The following DLC1 variants were observed in gnomAD, a reference collection of about 807,000 sequenced individuals.
The protein encoded by DLC1 is DLC1 Rho GTPase activating protein.
Under a neutral mutation model 140.3 loss-of-function variants are expected in DLC1, and 54 were observed. The observed-to-expected ratio is 0.38, with a 90% CI of 0.31 to 0.48. The LOEUF is 0.48. Among genes scored for constraint, DLC1 ranks in the 20% least tolerant of loss-of-function variants. The pLI is 0.96. For synonymous variants in DLC1, 986 were observed against 728.1 expected (o/e 1.35, Z -5.70); for missense variants, 2,536 against 1,907.0 (o/e 1.33, Z -6.14).
chr8:13,357,475 T>C (rs915240395), intron 4 of DLC1, among the ~76,000 whole-genome samples: 3 of 152,342 alleles, frequency 2.0e-5, no homozygotes, highest in African/African-American at 4.8e-5. Flanking sequence ...ATGCTTTATA[T>C]AGAAGAGCAC....
At chr8:13,535,220 A>T (rs1158661825) in intron 1 of DLC1, among the ~76,000 whole-genome samples, 1 of 152,158 alleles carries the variant, frequency 6.6e-6, no homozygotes, top group Non-Finnish European at 1.5e-5. Flanking sequence ...CAAGGGTCTA[A>T]ATAGTCATGT....
chr8:13,452,378 T>C (rs1799106436), intron 2 of DLC1, among the ~76,000 whole-genome samples: 1 of 152,092 alleles, frequency 6.6e-6, no homozygotes, highest in African/African-American at 2.4e-5. Context: ...AGTAACTCAA[T>C]TTATGTTATC....
chr8:13,327,246 T>C (rs1833400848), intron 4 of DLC1, among the ~76,000 whole-genome samples: 1 of 151,118 alleles, frequency 6.6e-6, no homozygotes. Context: ...GTGCTGGGAT[T>C]ACAGGCGTGA....
chr8:13,498,093 AT>A (rs1406449689), intron 2 of DLC1, among the ~76,000 whole-genome samples: 1 of 152,160 alleles, frequency 6.6e-6, no homozygotes, highest in African/African-American at 2.4e-5. Context: ...GCAGTTATGG[AT>A]GAATGTATCA....
At chr8:13,416,137 G>C (rs1321678863) in intron 2 of DLC1, among the ~76,000 whole-genome samples, 1 of 152,174 alleles carries the variant, frequency 6.6e-6, no homozygotes, top group Non-Finnish European at 1.5e-5. Context: ...CTGGCGTCTA[G>C]GGGTCCCATG....
intron 1 of DLC1, among the ~76,000 whole-genome samples, chr8:13,500,418 C>T (rs1801759982): frequency 1.3e-5 from 2 of 152,244 alleles, no homozygotes; most frequent in South Asian, 2.1e-4. Context: ...CTTTTAAAGG[C>T]ATTTAAAGGC....
At chr8:13,540,233 T>C (rs898976959) in intron 1 of DLC1, among the ~76,000 whole-genome samples, 1 of 152,226 alleles carries the variant, frequency 6.6e-6, no homozygotes, top group African/African-American at 2.4e-5. Context: ...CAGCAATGGC[T>C]GGTGAAGATC....
At chr8:13,412,981 TG>T (rs1319815297) in intron 2 of DLC1, among the ~76,000 whole-genome samples, 4 of 149,544 alleles carry the variant, frequency 2.7e-5, no homozygotes, top group Middle Eastern at 3.3e-3. Context: ...TGCACCCATG[TG>T]CTAGGGTTCA....
chr8:13,234,262 G>A (rs1470483336), intron 5 of DLC1, among the ~76,000 whole-genome samples: 1 of 152,092 alleles, frequency 6.6e-6, no homozygotes, highest in African/African-American at 2.4e-5. Flanking sequence ...GGATCATGCT[G>A]TAGTTACTTT....
At chr8:13,325,477 C>T (rs1253502505) in intron 4 of DLC1, among the ~76,000 whole-genome samples, 1 of 146,154 alleles carries the variant, frequency 6.8e-6, no homozygotes, top group African/African-American at 2.5e-5. Context: ...CACACACACA[C>T]ACAGAAAATC....
intron 5 of DLC1, among the ~76,000 whole-genome samples, chr8:13,223,068 A>C (rs1411558128): frequency 6.6e-6 from 1 of 152,046 alleles, no homozygotes; most frequent in South Asian, 2.1e-4. Context: ...TTTTTTTGAA[A>C]TTCTAGTTCT....
intron 5 of DLC1, among the ~76,000 whole-genome samples, chr8:13,299,566 C>T (rs1832099898): frequency 6.7e-6 from 1 of 149,552 alleles, no homozygotes; most frequent in Non-Finnish European, 1.5e-5. Flanking sequence ...TTGCATGCCA[C>T]AGACCTAGGC....
chr8:13,327,513 TC>T (rs1208550277), intron 4 of DLC1, among the ~76,000 whole-genome samples: 1 of 151,304 alleles, frequency 6.6e-6, no homozygotes, highest in Non-Finnish European at 1.5e-5. Context: ...GGTGGGGGTT[TC>T]TCATTATGTT....
rs557530761 is a variant in DLC1 at position 13,143,039 on chromosome 8, G to A, written c.1349-27382C>T. Among the ~76,000 whole-genome samples the A allele has an allele frequency of 3.4e-3, 397 of 117,126 alleles. 1 individual carries two copies. The highest frequency in any genetic ancestry group is 5.6e-3 in the Non-Finnish European group (321 of 57,770). The allele number at this position is 117,126 out of a possible 152,430, so 76.8% of individuals were successfully genotyped here. On this transcript the variant is annotated intron_variant, in intron 5 of 17. Coordinates refer to ENST00000276297, the MANE Select transcript of DLC1 (RefSeq NM_182643.3). ...GCCTGGGCAACAAAAGTGAAACTCCGTCTCAAAAAAAAAAAAAAAGGCAGA... is the reference window on the plus strand; with the variant it reads ...GCCTGGGCAACAAAAGTGAAACTCCATCTCAAAAAAAAAAAAAAAGGCAGA...
chr8:13,444,343 A>G (rs1798681730), intron 2 of DLC1, among the ~76,000 whole-genome samples: 1 of 152,140 alleles, frequency 6.6e-6, no homozygotes, highest in Admixed American at 6.6e-5. Context: ...AGAAATACCT[A>G]ATGTAGATGA....
chr8:13,172,895 G>A (rs1585837075), intron 5 of DLC1, among the ~76,000 whole-genome samples: 1 of 152,120 alleles, frequency 6.6e-6, no homozygotes, highest in Admixed American at 6.5e-5. Context: ...TTTCTGCTGC[G>A]TCTCCATCTT....
intron 2 of DLC1, among the ~76,000 whole-genome samples, chr8:13,466,473 G>C (rs979698115): frequency 5.3e-5 from 8 of 152,114 alleles, no homozygotes; most frequent in African/African-American, 1.9e-4. Context: ...GAAATAAAGA[G>C]AACACACGTT....
intron 1 of DLC1, among the ~76,000 whole-genome samples, chr8:13,577,000 G>T (rs1006809717): frequency 2.6e-5 from 4 of 152,142 alleles, no homozygotes; most frequent in Admixed American, 1.3e-4. Flanking sequence ...AGTGCTTACT[G>T]CTTGCTGATT....
At chr8:13,248,469 T>C (rs118019008) in intron 5 of DLC1, among the ~76,000 whole-genome samples, 1,719 of 152,218 alleles carry the variant, frequency 0.011, 12 homozygotes, top group South Asian at 0.037. Context: ...GGCCGTCAAG[T>C]TCATGTCAAT....
Sources: gnomAD v4.1 joint callset for allele counts (sites outside exome capture counted in the v4.1 genomes callset) on GRCh38, gnomAD v4.1.1 for gene constraint, MANE v1.5 for transcripts, NCBI Gene and HGNC (gene_info 2026-07-23, HGNC 2026-07-21) for gene names.